The following ITGA9 variants were observed in gnomAD, a reference collection of about 807,000 sequenced individuals.
ITGA9 encodes the protein integrin subunit alpha 9.
Under a neutral mutation model 127.8 loss-of-function variants are expected in ITGA9, and 56 were observed. The observed-to-expected ratio is 0.44, with a 90% CI of 0.35 to 0.55. The LOEUF (loss-of-function observed/expected upper bound fraction) is 0.55. Ranked by LOEUF, ITGA9 falls within the 20% of genes least tolerant of loss-of-function variation. The pLI is 0.00. For missense variants in ITGA9, 1,196 were observed against 1,347.1 expected (o/e 0.89, Z 1.76); for synonymous variants, 508 against 514.5 (o/e 0.99, Z 0.17).
At chr3:37,481,755 TG>T in intron 4 of ITGA9, 148 bp downstream of exon 4, 2 of 1,149,796 alleles carry the variant, frequency 1.7e-6, no homozygotes, top group Non-Finnish European at 1.3e-6. Context: ...GATGGTCTCT[TG>T]GTCCCCAAGG....
At chr3:37,518,009 G>A (rs909154888) in intron 10 of ITGA9, among the ~76,000 whole-genome samples, 2 of 151,990 alleles carry the variant, frequency 1.3e-5, no homozygotes, top group Non-Finnish European at 2.9e-5. Flanking sequence ...ATGTTGATGG[G>A]GAAATGAGTG....
Position 37,497,784 on chromosome 3 carries a change from C to A in ITGA9, c.612+3216C>A, listed in dbSNP as rs537603645. Among the ~76,000 whole-genome samples the A allele has an allele frequency of 5.9e-5, 9 of 152,242 alleles. No individual in the cohort carries two copies. The South Asian group carries it at 1.9e-3, about 32-fold the overall frequency. ...AACAGGCCTGTCTAGTATTGTATGA[C>A]TTGAGTCAATAGGCAGTGGGAACCA... On this transcript the variant is annotated intron_variant, in intron 5 of 27. Coordinates refer to ENST00000264741, the MANE Select transcript of ITGA9 (RefSeq NM_002207.3).
intron 23 of ITGA9, among the ~76,000 whole-genome samples, chr3:37,758,071 C>T (rs1294272909): frequency 1.3e-5 from 2 of 151,380 alleles, no homozygotes; most frequent in Non-Finnish European, 2.9e-5. Context: ...CGCCTGTAAT[C>T]CCAGCACTTT....
chr3:37,743,288 A>G (rs1696460009), intron 21 of ITGA9, among the ~76,000 whole-genome samples: 2 of 152,302 alleles, frequency 1.3e-5, no homozygotes, highest in East Asian at 1.9e-4. Context: ...CTAGAAGTCG[A>G]TATTTGTCTG....
chr3:37,569,037 C>T (rs1455656872), intron 15 of ITGA9, among the ~76,000 whole-genome samples: 3 of 152,138 alleles, frequency 2.0e-5, no homozygotes, highest in Non-Finnish European at 2.9e-5. Flanking sequence ...ACTCCTGGTA[C>T]CAATTTACTG....
intron 4 of ITGA9, among the ~76,000 whole-genome samples, chr3:37,485,913 T>A (rs17228097): frequency 0.11 from 17,142 of 152,274 alleles, 1,091 homozygotes; most frequent in Middle Eastern, 0.17. Context: ...ACCTACCATA[T>A]GTTCTTTGGT....
At chr3:37,818,570 C>T (rs1241896376) in intron 27 of ITGA9, 6 of 355,556 alleles carry the variant, frequency 1.7e-5, no homozygotes, top group Non-Finnish European at 2.7e-5. Context: ...GCCATGAAAC[C>T]TTTTTTTACT....
rs535758186 is a variant in ITGA9 at position 37,584,268 on chromosome 3, G to A, written c.1689+41683G>A. Among the ~76,000 whole-genome samples the A allele has an allele frequency of 3.3e-5, 5 of 152,284 alleles. No homozygotes were observed. In the South Asian group the frequency reaches 1.0e-3, roughly 32 times the overall value. ...TGGTGATGGCAAAAATTCAAGAGGG[G>A]CATGCAGAAACATGTGAGACCTCTT... On this transcript the variant is annotated intron_variant, in intron 15 of 27. Coordinates refer to ENST00000264741, the MANE Select transcript of ITGA9 (RefSeq NM_002207.3).
At chr3:37,547,102 C>A (rs769350496) in intron 15 of ITGA9, among the ~76,000 whole-genome samples, 20 of 152,168 alleles carry the variant, frequency 1.3e-4, no homozygotes, top group Non-Finnish European at 2.1e-4. Context: ...TCAGTGACAC[C>A]CTCTAGAGGC....
chr3:37,504,132 C>T (rs1402213313), intron 6 of ITGA9, among the ~76,000 whole-genome samples: 1 of 152,160 alleles, frequency 6.6e-6, no homozygotes, highest in African/African-American at 2.4e-5. Context: ...TGCCTTTTCC[C>T]TTCTAACTAC....
intron 14 of ITGA9, among the ~76,000 whole-genome samples, chr3:37,537,352 C>A (rs1357233035): frequency 6.6e-6 from 1 of 152,166 alleles, no homozygotes; most frequent in African/African-American, 2.4e-5. Context: ...TCCAGCCTTG[C>A]AGGCTCCCTC....
intron 16 of ITGA9, among the ~76,000 whole-genome samples, chr3:37,630,368 A>G (rs150380670): frequency 6.6e-6 from 1 of 152,330 alleles, no homozygotes; most frequent in Non-Finnish European, 1.5e-5. Flanking sequence ...CACATGGTCT[A>G]ATGATGCTGT....
In ITGA9 at chr3:37,818,209, A is replaced by T. The variant is rs1416481725; in HGVS notation, c.3010-682A>T. ...GACTCTCTAAAAAAAAAAAAAAAAA[A>T]AAAAAAAAGCCACACTTCCCAAACT... On this transcript the variant is annotated intron_variant, in intron 27 of 27. Transcript: ENST00000264741. 2 of 149,338 alleles carry T rather than the reference A, an allele frequency of 1.3e-5. 1 individual carries two copies. Among genetic ancestry groups the T allele is most frequent in the Non-Finnish European group, 3.0e-5 (2 of 67,312 alleles). 9.3% of individuals were successfully genotyped at this position (149,338 alleles called of 1,614,324 possible).
chr3:37,466,026 G>A (rs933313306), intron 1 of ITGA9, among the ~76,000 whole-genome samples: 4 of 152,122 alleles, frequency 2.6e-5, no homozygotes, highest in Admixed American at 2.6e-4. Flanking sequence ...TTCCCTATCT[G>A]TAAAATGGGG....
intron 15 of ITGA9, among the ~76,000 whole-genome samples, chr3:37,619,494 C>T (rs544414997): frequency 1.6e-4 from 25 of 152,264 alleles, no homozygotes; most frequent in East Asian, 5.8e-4. Context: ...AGCCTGATCC[C>T]GTGCAGAAGC....
intron 18 of ITGA9, among the ~76,000 whole-genome samples, chr3:37,701,264 A>G (rs1700942633): frequency 6.6e-6 from 1 of 152,240 alleles, no homozygotes; most frequent in East Asian, 1.9e-4. Flanking sequence ...GCTCTTTAAA[A>G]TAACCCCAAG....
intron 15 of ITGA9, among the ~76,000 whole-genome samples, chr3:37,577,342 A>G (rs1349300519): frequency 1.3e-5 from 2 of 152,234 alleles, no homozygotes; most frequent in African/African-American, 4.8e-5. Flanking sequence ...CTGGGCATTG[A>G]GTGAATACAA....
chr3:37,780,195 T>G (rs556816474), intron 25 of ITGA9, among the ~76,000 whole-genome samples, 174 bp downstream of exon 25: 1 of 152,348 alleles, frequency 6.6e-6, no homozygotes, highest in Non-Finnish European at 1.5e-5. Flanking sequence ...TTTATGTATT[T>G]AGGGGGTACA....
intron 13 of ITGA9, among the ~76,000 whole-genome samples, chr3:37,532,879 A>C (rs1173225692): frequency 1.3e-5 from 2 of 152,228 alleles, no homozygotes; most frequent in African/African-American, 4.8e-5. Flanking sequence ...GTTCATGCTC[A>C]TAATGGCAGC....
Sources: allele counts gnomAD v4.1 joint callset (sites outside exome capture counted in the v4.1 genomes callset), GRCh38; gene constraint gnomAD v4.1.1; transcripts MANE v1.5; gene names NCBI Gene and HGNC (gene_info 2026-07-23, HGNC 2026-07-21).